PM20D2: variants seen among roughly 807,000 people sequenced by gnomAD.
PM20D2 encodes the protein xaa-Arg dipeptidase.
A neutral mutation model predicts 42.9 loss-of-function variants in PM20D2; 33 were observed. The ratio of observed to expected loss-of-function variants is 0.77; its 90% CI spans 0.58 to 1.03. The LOEUF (loss-of-function observed/expected upper bound fraction) is 1.03, where lower values mean the gene tolerates loss of function less well. Ranked by LOEUF, PM20D2 falls within the 50% of genes least tolerant of loss-of-function variation. The pLI is 0.00. For synonymous variants in PM20D2, 250 were observed against 228.2 expected (o/e 1.10, Z -0.86); for missense variants, 548 against 557.0 (o/e 0.98, Z 0.16).
the PM20D2 span, among the ~76,000 whole-genome samples, chr6:89,129,465 G>A: frequency 1.8e-4 from 27 of 152,174 alleles, no homozygotes; most frequent in Admixed American, 5.9e-4. Context: ...ACCCAGCCTG[G>A]ACAACAGAGT....
chr6:89,160,142 T>C (rs1223754279), intron 5 of PM20D2, among the ~76,000 whole-genome samples: 2 of 152,206 alleles, frequency 1.3e-5, no homozygotes, highest in Non-Finnish European at 2.9e-5. Flanking sequence ...TTCCATCCTG[T>C]TCACTGATGT....
chr6:89,105,151 T>C, the PM20D2 span: 10 of 1,612,778 alleles, frequency 6.2e-6, no homozygotes, highest in Middle Eastern at 3.3e-4. Context: ...TCCTATTTCT[T>C]CCCCATGAAG....
intron 3 of PM20D2, among the ~76,000 whole-genome samples, chr6:89,153,774 G>A (rs933028505): frequency 1.3e-5 from 2 of 152,036 alleles, no homozygotes. Context: ...GCTAATATTT[G>A]TATTTTTTGC....
the PM20D2 span, among the ~76,000 whole-genome samples, chr6:89,102,257 C>A: frequency 6.6e-6 from 1 of 152,006 alleles, no homozygotes; most frequent in African/African-American, 2.4e-5. Context: ...GATTCTCCTG[C>A]CTCAACCTCC....
Position 89,153,117 on chromosome 6 carries a change from C to G in PM20D2, c.689C>G (p.Ala230Gly). Residue 230 changes from alanine (A) to glycine (G), a missense_variant, in exon 3 of 7, where the codon GCT becomes GGT. Physicochemically the swap from Ala to Gly is moderately conservative, Grantham distance 60. This residue lies in a region of PM20D2 where 470 missense variants were observed against 464.4 expected (regional missense o/e 1.01). Coordinates refer to ENST00000275072, the MANE Select transcript of PM20D2 (RefSeq NM_001010853.3). ...TGGGAAGGATTAAATGCATTAGATG[C>G]TGCTGTGCTGGCCTATAACAATCTG... ...YPWEGLNALD[A>G]AVLAYNNLSV... 6.2e-7 allele frequency: 1 copy of G among 1,612,184 alleles called. No homozygotes were observed.
rs758132037 is a variant in PM20D2, at chr6:89,149,441, C to T, written c.614+28C>T. The T allele has an allele frequency of 8.7e-6, 14 of 1,609,474 alleles. No homozygotes were observed. The South Asian group carries it at 1.4e-4, about 17-fold the overall frequency. ...GAGTAATCAAGTTGAAGATAAACTT[C>T]TTAGGGGAACACAGGCTATAGAATA... On this transcript the variant is annotated intron_variant, in intron 2 of 6. Coordinates refer to ENST00000275072, the MANE Select transcript of PM20D2 (RefSeq NM_001010853.3).
At chr6:89,102,994 T>C in the PM20D2 span, among the ~76,000 whole-genome samples, 2 of 152,142 alleles carry the variant, frequency 1.3e-5, no homozygotes, top group Non-Finnish European at 2.9e-5. Flanking sequence ...CTCAAATTCC[T>C]GGACTCAAGT....
chr6:89,139,494 G>A, the PM20D2 span, among the ~76,000 whole-genome samples: 2 of 152,140 alleles, frequency 1.3e-5, no homozygotes, highest in African/African-American at 2.4e-5. Context: ...GATTATAGGC[G>A]AGAGCCACCC....
chr6:89,143,438 A>AT (rs1326938993), upstream of PM20D2, among the ~76,000 whole-genome samples: 1 of 151,976 alleles, frequency 6.6e-6, no homozygotes, highest in African/African-American at 2.4e-5. Flanking sequence ...ATCTTTATAT[A>AT]TTTTTTCCCC....
At chr6:89,141,949 G>T (rs1770324808), upstream of PM20D2, among the ~76,000 whole-genome samples, 1 of 116,894 alleles carries the variant, frequency 8.6e-6, no homozygotes, top group South Asian at 2.7e-4. Context: ...GACCACAAAT[G>T]TGTGCCACCA....
At chr6:89,140,796 C>G in the PM20D2 span, among the ~76,000 whole-genome samples, 37 of 152,286 alleles carry the variant, frequency 2.4e-4, no homozygotes, top group Non-Finnish European at 5.0e-4. Context: ...CAAAGGGAGC[C>G]TCAGGTCATC....
At chr6:89,131,199 C>T in the PM20D2 span, among the ~76,000 whole-genome samples, 1 of 152,012 alleles carries the variant, frequency 6.6e-6, no homozygotes, top group Non-Finnish European at 1.5e-5. Context: ...AATCTATTAA[C>T]CCATGAACTC....
chr6:89,150,523 G>A (rs1770793492), intron 2 of PM20D2, among the ~76,000 whole-genome samples: 1 of 134,182 alleles, frequency 7.5e-6, no homozygotes, highest in African/African-American at 2.8e-5. Flanking sequence ...CTTTCTCACT[G>A]ATCATCTCTT....
the PM20D2 span, chr6:89,106,940 G>C: frequency 1.7e-6 from 1 of 587,242 alleles, no homozygotes; most frequent in Non-Finnish European, 3.2e-6. Flanking sequence ...CTTTTGTCTC[G>C]CCTGCTGGGT....
At chr6:89,147,904 G>A (rs1244291263) in intron 1 of PM20D2, among the ~76,000 whole-genome samples, 1 of 147,146 alleles carries the variant, frequency 6.8e-6, no homozygotes, top group Non-Finnish European at 1.5e-5. Flanking sequence ...AAAAAAAAAA[G>A]AGCGGCGGCT....
upstream of PM20D2, among the ~76,000 whole-genome samples, chr6:89,142,047 C>G (rs1051208801): frequency 1.4e-5 from 2 of 142,570 alleles, no homozygotes; most frequent in Non-Finnish European, 3.2e-5. Flanking sequence ...GTTTTGAACC[C>G]CTGGGCTCAA....
upstream of PM20D2, among the ~76,000 whole-genome samples, chr6:89,142,585 G>A (rs1236898420): frequency 2.6e-5 from 4 of 151,964 alleles, no homozygotes; most frequent in African/African-American, 9.7e-5. Flanking sequence ...TGATTTTTTT[G>A]GTGAAATATC....
chr6:89,117,644 T>A, the PM20D2 span, among the ~76,000 whole-genome samples: 4 of 151,456 alleles, frequency 2.6e-5, no homozygotes, highest in South Asian at 8.3e-4. Context: ...AGGCGCGAGT[T>A]CCGCCCTGGG....
At chr6:89,130,777 G>A in the PM20D2 span, among the ~76,000 whole-genome samples, 2 of 140,292 alleles carry the variant, frequency 1.4e-5, no homozygotes, top group Non-Finnish European at 3.0e-5. Context: ...TCTAATAAAT[G>A]GAGTCATACA....
Sources: allele counts gnomAD v4.1 joint callset (sites outside exome capture counted in the v4.1 genomes callset), GRCh38; gene constraint gnomAD v4.1.1; regional missense constraint gnomAD v4.1.1; transcripts MANE v1.5; gene names NCBI Gene and HGNC (gene_info 2026-07-23, HGNC 2026-07-21).